The following GNG12 variants were observed in gnomAD, a reference collection of about 807,000 sequenced individuals.
The protein encoded by GNG12 is guanine nucleotide-binding protein G(I)/G(S)/G(O) subunit gamma-12.
For missense variants in GNG12, 69 were observed against 83.8 expected (o/e 0.82, Z 0.69); for synonymous variants, 28 against 29.7 (o/e 0.94, Z 0.19).
At position 67,721,062 on chromosome 1, in the gene GNG12, C is replaced by T. The variant is rs1469677110; in HGVS notation, c.-26-13350G>A. 2.6e-5 allele frequency among the ~76,000 whole-genome samples: 4 copies of T among 152,306 alleles called. No homozygotes were observed. The East Asian group carries it at 7.7e-4, about 29-fold the overall frequency. ...CCTGGTGCTCCTAGCCATCACTCCA[C>T]ACTGCAGGCCTCCTGCATCCCTCAG... On this transcript the variant is annotated intron_variant, in intron 2 of 3. Coordinates refer to ENST00000370982, the MANE Select transcript of GNG12 (RefSeq NM_018841.6).
rs1646888678 is a variant in GNG12, at chr1:67,805,276, A to C, written c.-76-27769T>G. On this transcript the variant is annotated intron_variant, in intron 1 of 3. Transcript: ENST00000370982. ...TCACATTTCCTTCATCTGGGACATC[A>C]TGTCTGCCTTTCATTCAAATTACAA... Among the ~76,000 whole-genome samples, 5 of 152,198 alleles carry C rather than the reference A, an allele frequency of 3.3e-5. No individual in the cohort carries two copies. In the South Asian group the frequency reaches 1.0e-3, roughly 31 times the overall value.
At chr1:67,719,009 GCA>G (rs1053338423) in intron 2 of GNG12, among the ~76,000 whole-genome samples, 9 of 152,288 alleles carry the variant, frequency 5.9e-5, no homozygotes, top group Admixed American at 5.2e-4. Flanking sequence ...AGAAACTGAG[GCA>G]CAGAGAGGTT....
intron 1 of GNG12, among the ~76,000 whole-genome samples, chr1:67,819,372 T>C (rs1371067012): frequency 1.3e-5 from 2 of 152,204 alleles, no homozygotes; most frequent in African/African-American, 4.8e-5. Flanking sequence ...TCTACAGTTG[T>C]GTCTTAGGAA....
intron 2 of GNG12, among the ~76,000 whole-genome samples, chr1:67,734,143 G>C (rs1217334615): frequency 6.6e-6 from 1 of 151,938 alleles, no homozygotes; most frequent in Non-Finnish European, 1.5e-5. Flanking sequence ...CCCAGCGGGA[G>C]TGTGTGTTAT....
intron 2 of GNG12, among the ~76,000 whole-genome samples, chr1:67,749,054 G>C (rs1289908264): frequency 6.6e-6 from 1 of 152,128 alleles, no homozygotes; most frequent in Non-Finnish European, 1.5e-5. Flanking sequence ...AGGGGAGGAG[G>C]TGGGGAACAA....
intron 2 of GNG12, among the ~76,000 whole-genome samples, chr1:67,740,283 C>G (rs925386729): frequency 6.6e-6 from 1 of 152,208 alleles, no homozygotes; most frequent in African/African-American, 2.4e-5. Flanking sequence ...ACTATAAAAA[C>G]AATTAAAAAT....
intron 2 of GNG12, among the ~76,000 whole-genome samples, chr1:67,719,250 A>G (rs75004046): frequency 0.026 from 3,903 of 152,236 alleles, 101 homozygotes; most frequent in African/African-American, 0.057. Context: ...CTCCTTTTGT[A>G]GGCCCTAGTT....
At chr1:67,775,782 G>A (rs527636064) in intron 2 of GNG12, among the ~76,000 whole-genome samples, 1 of 152,226 alleles carries the variant, frequency 6.6e-6, no homozygotes, top group Non-Finnish European at 1.5e-5. Flanking sequence ...GAGCAGGCAA[G>A]ATCACAGATG....
At chr1:67,711,033 G>A (rs1169765766) in intron 2 of GNG12, among the ~76,000 whole-genome samples, 3 of 152,072 alleles carry the variant, frequency 2.0e-5, no homozygotes, top group African/African-American at 7.2e-5. Flanking sequence ...CCCCTCTCAG[G>A]CTCCTAACTC....
intron 1 of GNG12, among the ~76,000 whole-genome samples, chr1:67,805,462 T>C (rs891460272): frequency 1.3e-5 from 2 of 152,096 alleles, no homozygotes; most frequent in African/African-American, 2.4e-5. Context: ...CAAGAACAGA[T>C]GAATAATGTA....
At chr1:67,720,544 T>C (rs1214842851) in intron 2 of GNG12, among the ~76,000 whole-genome samples, 1 of 152,248 alleles carries the variant, frequency 6.6e-6, no homozygotes, top group East Asian at 1.9e-4. Flanking sequence ...AATGGATAAA[T>C]TCAGCAATTA....
intron 2 of GNG12, among the ~76,000 whole-genome samples, chr1:67,735,733 T>C (rs1004109623): frequency 4.6e-5 from 7 of 152,216 alleles, no homozygotes; most frequent in East Asian, 1.9e-4. Context: ...CTGAGTGATC[T>C]TCACTAACAA....
chr1:67,770,339 G>C (rs1330829939), intron 2 of GNG12, among the ~76,000 whole-genome samples: 1 of 152,198 alleles, frequency 6.6e-6, no homozygotes, highest in Non-Finnish European at 1.5e-5. Context: ...TTCAAAAGCT[G>C]TATGTGGTGA....
chr1:67,817,771 T>TTTTG (rs1348608030), intron 1 of GNG12, among the ~76,000 whole-genome samples: 6 of 148,610 alleles, frequency 4.0e-5, no homozygotes, highest in Non-Finnish European at 7.4e-5. Context: ...AAATGTTTTC[T>TTTTG]TTTGTTTCTT....
At chr1:67,775,863 T>C (rs1453858367) in intron 2 of GNG12, among the ~76,000 whole-genome samples, 1 of 152,092 alleles carries the variant, frequency 6.6e-6, no homozygotes, top group Non-Finnish European at 1.5e-5. Flanking sequence ...ATGGGAAGGA[T>C]TTCCAGGTAG....
At chr1:67,768,529 A>T (rs1372923366) in intron 2 of GNG12, among the ~76,000 whole-genome samples, 1 of 152,236 alleles carries the variant, frequency 6.6e-6, no homozygotes, top group Non-Finnish European at 1.5e-5. Context: ...TTTAGAAATC[A>T]TCATAATAGT....
At chr1:67,733,892 A>G (rs1377353333) in intron 2 of GNG12, among the ~76,000 whole-genome samples, 1 of 152,200 alleles carries the variant, frequency 6.6e-6, no homozygotes, top group East Asian at 1.9e-4. Flanking sequence ...AAGGCCCCTC[A>G]TACAGCACCC....
At chr1:67,732,556 T>C (rs939534902) in intron 2 of GNG12, among the ~76,000 whole-genome samples, 3 of 152,216 alleles carry the variant, frequency 2.0e-5, no homozygotes, top group Non-Finnish European at 2.9e-5. Flanking sequence ...GGGAAGTCAG[T>C]TCAGGAATCG....
intron 2 of GNG12, among the ~76,000 whole-genome samples, chr1:67,763,031 C>T (rs1349210848): frequency 6.8e-6 from 1 of 147,732 alleles, no homozygotes; most frequent in Non-Finnish European, 1.5e-5. Flanking sequence ...TCGCAAAGCA[C>T]CCAGATTTGG....
Sources: gnomAD v4.1 joint callset for allele counts (sites outside exome capture counted in the v4.1 genomes callset) on GRCh38, gnomAD v4.1.1 for gene constraint, MANE v1.5 for transcripts, NCBI Gene and HGNC (gene_info 2026-07-23, HGNC 2026-07-21) for gene names.